ENOX1: variants seen among roughly 807,000 people sequenced by gnomAD.
ENOX1 encodes the protein candidate growth-related and time keeping constitutive hydroquinone (NADH) oxidase.
Under a neutral mutation model 82.5 loss-of-function variants are expected in ENOX1, and 42 were observed. That is an observed-to-expected ratio of 0.51 (90% CI 0.40 to 0.66). ENOX1 has a LOEUF of 0.66. ENOX1 is among the 30% of genes least tolerant of loss of function. The pLI is 0.00. For synonymous variants in ENOX1, 271 were observed against 282.2 expected (o/e 0.96, Z 0.40); for missense variants, 608 against 811.6 (o/e 0.75, Z 3.05).
At chr13:43,335,597 A>G (rs957262211) in intron 9 of ENOX1, among the ~76,000 whole-genome samples, 1 of 151,980 alleles carries the variant, frequency 6.6e-6, no homozygotes, top group Non-Finnish European at 1.5e-5. Context: ...CAGAAGTTAT[A>G]CCTTTCCTGA....
chr13:43,678,108 C>A (rs182458561), intron 1 of ENOX1, among the ~76,000 whole-genome samples: 1 of 152,284 alleles, frequency 6.6e-6, no homozygotes, highest in East Asian at 1.9e-4. Flanking sequence ...AATGGGGAAG[C>A]TACCATCCTG....
At chr13:43,597,337 A>G (rs2081516405) in intron 2 of ENOX1, among the ~76,000 whole-genome samples, 1 of 152,178 alleles carries the variant, frequency 6.6e-6, no homozygotes, top group African/African-American at 2.4e-5. Context: ...AAAGGGAAAC[A>G]AAGGGCCACT....
At chr13:43,727,902 C>T (rs2089087223) in intron 1 of ENOX1, among the ~76,000 whole-genome samples, 1 of 152,246 alleles carries the variant, frequency 6.6e-6, no homozygotes, top group East Asian at 1.9e-4. Flanking sequence ...ACCATATTAA[C>T]ACATCTGGTA....
At chr13:43,285,603 C>T (rs971282499) in intron 12 of ENOX1, among the ~76,000 whole-genome samples, 2 of 151,786 alleles carry the variant, frequency 1.3e-5, no homozygotes, top group Non-Finnish European at 2.9e-5. Context: ...GTCAGGAGTT[C>T]GAGACCAGCC....
chr13:43,735,775 G>A (rs986913411), intron 1 of ENOX1, among the ~76,000 whole-genome samples: 6 of 151,868 alleles, frequency 4.0e-5, no homozygotes, highest in African/African-American at 1.5e-4. Context: ...TAAAAGACCA[G>A]GGATAAAAAT....
chr13:43,253,176 G>A (rs1437565698), intron 14 of ENOX1, among the ~76,000 whole-genome samples: 1 of 152,176 alleles, frequency 6.6e-6, no homozygotes, highest in African/African-American at 2.4e-5. Flanking sequence ...GCTGCATGAT[G>A]GTGAAAACTG....
At chr13:43,736,123 C>T (rs2089618478) in intron 1 of ENOX1, among the ~76,000 whole-genome samples, 1 of 152,136 alleles carries the variant, frequency 6.6e-6, no homozygotes, top group Non-Finnish European at 1.5e-5. Context: ...TTCAATCATA[C>T]ACATTTATAC....
intron 3 of ENOX1, among the ~76,000 whole-genome samples, chr13:43,452,612 T>C (rs2057028383): frequency 6.6e-6 from 1 of 152,182 alleles, no homozygotes; most frequent in South Asian, 2.1e-4. Context: ...AACCTCTGTC[T>C]CCTGGGTTCA....
At chr13:43,360,854 T>C (rs566819038) in intron 6 of ENOX1, among the ~76,000 whole-genome samples, 155 of 152,310 alleles carry the variant, frequency 1.0e-3, no homozygotes, top group African/African-American at 3.6e-3. Context: ...AACTCTGAGA[T>C]GCAGGCTTCC....
intron 2 of ENOX1, among the ~76,000 whole-genome samples, chr13:43,650,683 C>A (rs953420536): frequency 1.3e-5 from 2 of 152,002 alleles, no homozygotes; most frequent in Non-Finnish European, 2.9e-5. Context: ...ACTAAAAACA[C>A]AAAAATCAAC....
intron 11 of ENOX1, among the ~76,000 whole-genome samples, chr13:43,310,583 G>A (rs1399593942): frequency 2.6e-5 from 4 of 152,142 alleles, no homozygotes; most frequent in Non-Finnish European, 5.9e-5. Context: ...TGACACTGAT[G>A]ATCCAGCATC....
chr13:43,623,041 A>T (rs2153746948), intron 2 of ENOX1, among the ~76,000 whole-genome samples: 1 of 152,076 alleles, frequency 6.6e-6, no homozygotes, highest in African/African-American at 2.4e-5. Context: ...GGAAGTGGGG[A>T]AAGTCAGTAG....
chr13:43,580,190 G>A (rs765335505), intron 2 of ENOX1, among the ~76,000 whole-genome samples: 5 of 152,144 alleles, frequency 3.3e-5, no homozygotes, highest in Non-Finnish European at 7.3e-5. Context: ...CAAAACACCT[G>A]CTATACCAGA....
At chr13:43,423,399 C>T (rs1043261924) in intron 3 of ENOX1, among the ~76,000 whole-genome samples, 2 of 152,186 alleles carry the variant, frequency 1.3e-5, no homozygotes, top group East Asian at 1.9e-4. Flanking sequence ...TCCCATTTTA[C>T]GCAAAGCTTT....
intron 4 of ENOX1, 99 bp from the exon 5 acceptor site, chr13:43,412,152 T>C: frequency 1.5e-6 from 2 of 1,351,962 alleles, no homozygotes; most frequent in Non-Finnish European, 2.0e-6. Flanking sequence ...ATTTAGCACA[T>C]TCCCAAACTA....
In ENOX1 at chr13:43,391,987, C is replaced by G. The variant is rs1170913253; in HGVS notation, c.208+19929G>C. Among the ~76,000 whole-genome samples, 6 of 152,176 alleles carry G rather than the reference C, an allele frequency of 3.9e-5. No individual in the cohort carries two copies. The East Asian group carries it at 1.2e-3, about 29-fold the overall frequency. On this transcript the variant is annotated intron_variant, in intron 5 of 16. Transcript: ENST00000690772. ...ACATAACCAGTTCCACCTCAACCAC[C>G]AAGCTGGTTGTCCAGGACTTCTCCA...
chr13:43,361,236 A>G (rs761754076), intron 6 of ENOX1, 43 bp downstream of exon 6: 16 of 1,590,206 alleles, frequency 1.0e-5, no homozygotes, highest in Non-Finnish European at 7.7e-6. Context: ...TTAAAAAGAA[A>G]AACATTTAAA....
chr13:43,287,266 T>C (rs1405794298), intron 12 of ENOX1, among the ~76,000 whole-genome samples: 1 of 152,214 alleles, frequency 6.6e-6, no homozygotes, highest in Admixed American at 6.5e-5. Flanking sequence ...CAGGCCACCC[T>C]GTGTCAGGAA....
At chr13:43,315,065 C>T (rs1593879184) in intron 11 of ENOX1, among the ~76,000 whole-genome samples, 1 of 152,082 alleles carries the variant, frequency 6.6e-6, no homozygotes, top group Non-Finnish European at 1.5e-5. Context: ...AATTTTATTC[C>T]TGAGCCTTAA....
Sources: allele counts gnomAD v4.1 joint callset (sites outside exome capture counted in the v4.1 genomes callset), GRCh38; gene constraint gnomAD v4.1.1; transcripts MANE v1.5; gene names NCBI Gene and HGNC (gene_info 2026-07-23, HGNC 2026-07-21).